BPIFB2: variants seen among roughly 807,000 people sequenced by gnomAD.
BPIFB2 encodes BPI fold containing family B member 2.
BPIFB2 carries 39 observed loss-of-function variants against 50.1 expected under a neutral mutation model. The observed-to-expected ratio is 0.78, with a 90% CI of 0.60 to 1.02. The LOEUF (loss-of-function observed/expected upper bound fraction) is 1.02. Ranked by LOEUF, BPIFB2 falls within the 50% of genes least tolerant of loss-of-function variation. The probability of loss-of-function intolerance (pLI) is 0.00; values close to 1 mark genes in which losing one functional copy is unlikely to be tolerated. For synonymous variants in BPIFB2, 280 were observed against 256.3 expected, an observed-to-expected ratio of 1.09 and a Z score of -0.88; for missense variants, 574 against 585.8, an observed-to-expected ratio of 0.98 and a Z score of 0.21.
At position 33,020,377 on chromosome 20, in the gene BPIFB2, G is replaced by A. The variant is rs1438170860; in HGVS notation, c.1130G>A (p.Gly377Glu). Residue 377 changes from glycine to glutamate, a missense_variant, in exon 12 of 16, where the codon GGG becomes GAG. Coordinates refer to ENST00000170150, the MANE Select transcript of BPIFB2 (RefSeq NM_025227.3). ...QLSVSKVKLQ[G>E]TTSVLGDVQL... ...TCTGTGTCCAAGGTGAAGCTTCAGG[G>A]GACCACGTCTGTGCTGGGGTAAACG... The A allele has an allele frequency of 6.2e-6, 10 of 1,614,018 alleles. No homozygotes were observed. Among genetic ancestry groups the A allele is most frequent in the Non-Finnish European group, 8.5e-6 (10 of 1,180,006 alleles).
At chr20:33,011,195 T>C in intron 3 of BPIFB2, 78 bp downstream of exon 3, 1 of 1,382,456 alleles carries the variant, frequency 7.2e-7, no homozygotes, top group African/African-American at 1.4e-5. Context: ...GGTGCTTCAG[T>C]CCACCGGGCA....
At chr20:33,016,167 A>G (rs1366089088) in intron 6 of BPIFB2, among the ~76,000 whole-genome samples, 1 of 152,014 alleles carries the variant, frequency 6.6e-6, no homozygotes, top group Non-Finnish European at 1.5e-5. Flanking sequence ...TTTAAGGGGC[A>G]GTAGTAGAGA....
chr20:33,021,268 TCCGTGG>T lies in BPIFB2; in HGVS notation c.1195-10_1195-5del. On this transcript the variant is annotated splice_region_variant and splice_polypyrimidine_tract_variant and intron_variant, in intron 13 of 15. Coordinates refer to ENST00000170150, the MANE Select transcript of BPIFB2 (RefSeq NM_025227.3). ...GCTGGGACGGGCCCATCTCCCTGGC[TCCGTGG>T]CCACAGACAGATCAGGTGCGCACAC... 6.2e-7 allele frequency: 1 copy of T among 1,613,848 alleles called. No individual in the cohort carries two copies.
chr20:33,020,332 T>G lies in BPIFB2; in HGVS notation c.1085T>G (p.Val362Gly). 1.9e-6 allele frequency: 3 copies of G among 1,614,126 alleles called. No homozygotes were observed. The highest frequency in any genetic ancestry group is 2.5e-6 in the Non-Finnish European group (3 of 1,179,988). ...FQSLFSLDVV[V>G]NLRLQLSVSK... ...CTGCTCTCCCCATGTGCCCAGGTAG[T>G]GAACTTGAGACTCCAGCTCTCTGTG... The change falls in exon 12 of 16, where the codon GTG becomes GGG. Residue 362 changes from valine (V) to glycine (G), a missense_variant. Transcript: ENST00000170150.
chr20:33,018,870 G>A (rs1412658696), intron 9 of BPIFB2, 48 bp downstream of exon 9: 1 of 1,585,876 alleles, frequency 6.3e-7, no homozygotes, highest in Admixed American at 1.7e-5. Flanking sequence ...AGAGCTCCCT[G>A]TGGCCCAGCC....
At position 33,019,534 on chromosome 20, in the gene BPIFB2, G is replaced by A. The variant is rs71348800; in HGVS notation, c.910-46G>A. On this transcript the variant is annotated intron_variant, in intron 10 of 15. Coordinates refer to ENST00000170150, the MANE Select transcript of BPIFB2 (RefSeq NM_025227.3). The stretch of plus-strand genomic sequence containing the variant: ...TGAGGAGTGACTGACCAGAGAGCCC[G>A]CCAGCCGCTGCCTCAGCAGGGCCTC... 0.014 allele frequency: 21,629 copies of A among 1,525,626 alleles called. 1,227 individuals carry two copies. The Admixed American group carries it at 0.19, about 13-fold the overall frequency. The allele number at this position is 1,525,626 out of a possible 1,614,324, so 94.5% of individuals were successfully genotyped here. A position where few individuals can be genotyped will look rare whatever the true frequency, so the allele number is the denominator to read the frequency against.
intron 5 of BPIFB2, 55 bp downstream of exon 5, chr20:33,014,011 G>C: frequency 1.3e-6 from 2 of 1,575,800 alleles, no homozygotes; most frequent in Non-Finnish European, 1.7e-6. Context: ...AAGCTGTGCT[G>C]CTGTTTCCTG....
Position 33,023,333 on chromosome 20 carries a change from G to A in BPIFB2, c.1336-9G>A, listed in dbSNP as rs1164010084. 6 of 1,613,632 alleles carry A rather than the reference G, an allele frequency of 3.7e-6. No individual in the cohort carries two copies. The East Asian group carries it at 6.7e-5, about 18-fold the overall frequency. ...TCTGACCTGGTCCATGGTTTCCTTTGCCCTTCAGGGCTACGTGGTGATATC... is the reference window on the plus strand; with the variant it reads ...TCTGACCTGGTCCATGGTTTCCTTTACCCTTCAGGGCTACGTGGTGATATC... On this transcript the variant is annotated splice_polypyrimidine_tract_variant and intron_variant, in intron 15 of 15. Coordinates refer to ENST00000170150, the MANE Select transcript of BPIFB2 (RefSeq NM_025227.3).
intron 7 of BPIFB2, among the ~76,000 whole-genome samples, 197 bp downstream of exon 7, chr20:33,017,299 G>A (rs752677477): frequency 3.0e-4 from 46 of 152,220 alleles, no homozygotes; most frequent in Admixed American, 6.5e-5. Flanking sequence ...CCAAAACCAA[G>A]TCTTTGATTC....
chr20:33,011,436 C>T (rs1158792919), intron 3 of BPIFB2, among the ~76,000 whole-genome samples: 1 of 152,158 alleles, frequency 6.6e-6, no homozygotes, highest in Non-Finnish European at 1.5e-5. Context: ...CTGGCAGGAC[C>T]CTCTGTTTCT....
intron 9 of BPIFB2, 99 bp downstream of exon 9, chr20:33,018,921 C>T (rs537922118): frequency 2.7e-4 from 419 of 1,565,816 alleles, no homozygotes; most frequent in Non-Finnish European, 3.5e-4. Flanking sequence ...GTGGGTGGGG[C>T]CGCTGAAGCT....
chr20:33,011,160 G>T, intron 3 of BPIFB2, 43 bp downstream of exon 3: 1 of 1,582,218 alleles, frequency 6.3e-7, no homozygotes, highest in South Asian at 1.1e-5. Flanking sequence ...CTGCCACCAA[G>T]TGGAGTGTTC....
chr20:33,012,980 G>A, intron 4 of BPIFB2, 73 bp downstream of exon 4: 1 of 1,268,760 alleles, frequency 7.9e-7, no homozygotes, highest in Non-Finnish European at 1.1e-6. Flanking sequence ...AGGGGACGGG[G>A]GGTAGCAACT....
In BPIFB2 at chr20:33,019,047, G is replaced by C. The variant is rs1187991774; in HGVS notation, c.856-15G>C. On this transcript the variant is annotated splice_polypyrimidine_tract_variant and intron_variant, in intron 9 of 15. Transcript: ENST00000170150. ...CTGTCCTAAAACCTGTTGTGGCCTG[G>C]GGTGCTGATTTCAGAGGTCGGATGA... The C allele has an allele frequency of 1.9e-6, 3 of 1,614,054 alleles. No homozygotes were observed.
rs771688965 is a variant in BPIFB2 at position 33,019,563 on chromosome 20, C to T, written c.910-17C>T. 1.6e-5 allele frequency: 25 copies of T among 1,568,842 alleles called. No individual in the cohort carries two copies. Among genetic ancestry groups the T allele is most frequent in the African/African-American group, 9.5e-5 (7 of 73,942 alleles). Reference sequence around the variant, plus strand: ...GCCGCTGCCTCAGCAGGGCCTCCTCCGCCTCTGCCTCCCCAGGTGGCCCGC... The same window carrying T: ...GCCGCTGCCTCAGCAGGGCCTCCTCTGCCTCTGCCTCCCCAGGTGGCCCGC... On this transcript the variant is annotated splice_polypyrimidine_tract_variant and intron_variant, in intron 10 of 15. Transcript: ENST00000170150.
At chr20:33,014,437 T>C (rs560101757) in intron 5 of BPIFB2, among the ~76,000 whole-genome samples, 1 of 152,322 alleles carries the variant, frequency 6.6e-6, no homozygotes, top group African/African-American at 2.4e-5. Context: ...GCCCTTTCCA[T>C]AGATCATTTC....
Position 33,021,730 on chromosome 20 carries a change from G to A in BPIFB2, c.1266G>A (p.Leu422=). The A allele has an allele frequency of 1.9e-6, 3 of 1,614,090 alleles. No homozygotes were observed. The South Asian group carries it at 3.3e-5, about 18-fold the overall frequency. ...CTTCTTTCTCGCCTGCAGCTCTCTT[G>A]GCCATGGGAATTGCCCTCCCTGGTG... The part of the protein sequence containing the change: ...KPLLDHLNAL[L]AMGIALPGVV... The change falls in exon 15 of 16, where the codon TTG becomes TTA. Residue 422 remains leucine, a synonymous_variant. Coordinates refer to ENST00000170150, the MANE Select transcript of BPIFB2 (RefSeq NM_025227.3).
intron 3 of BPIFB2, among the ~76,000 whole-genome samples, chr20:33,012,411 C>T (rs6059016): frequency 0.35 from 53,096 of 151,952 alleles, 9,767 homozygotes; most frequent in African/African-American, 0.46. Flanking sequence ...AGTGGGGGAG[C>T]TTCTGTTGCT....
intron 9 of BPIFB2, 73 bp from the exon 10 acceptor site, chr20:33,018,973 TGGGGAGCGATTGCTCA>T (rs1422164051): frequency 1.9e-6 from 3 of 1,587,920 alleles, no homozygotes; most frequent in Non-Finnish European, 2.6e-6. Context: ...ACGGGGGCTA[TGGGGAGCGATTGCTCA>T]GGGGGAAAGT....
Sources: allele counts gnomAD v4.1 joint callset (sites outside exome capture counted in the v4.1 genomes callset), GRCh38; gene constraint gnomAD v4.1.1; transcripts MANE v1.5; gene names NCBI Gene and HGNC (gene_info 2026-07-23, HGNC 2026-07-21).